Variants in MAP2 observed in about 807,000 individuals in gnomAD.
The protein encoded by MAP2 is microtubule associated protein 2.
Under a neutral mutation model 137.6 loss-of-function variants are expected in MAP2, and 14 were observed. The observed-to-expected ratio is 0.10, with a 90% CI of 0.07 to 0.16. MAP2 has a LOEUF of 0.16. MAP2 is among the 10% of genes least tolerant of loss of function. The pLI, the probability that MAP2 is intolerant of heterozygous loss-of-function variation, is 1.00. For synonymous variants in MAP2, 786 were observed against 782.3 expected, an observed-to-expected ratio of 1.00 and a Z score of -0.08; for missense variants, 2,088 against 2,191.5, an observed-to-expected ratio of 0.95 and a Z score of 0.94.
intron 1 of MAP2, among the ~76,000 whole-genome samples, chr2:209,458,526 C>G (rs1702053480): frequency 6.6e-6 from 1 of 152,136 alleles, no homozygotes; most frequent in Admixed American, 6.5e-5. Flanking sequence ...AACTCATTCA[C>G]AGTAAGAGGT....
intron 1 of MAP2, among the ~76,000 whole-genome samples, chr2:209,465,285 AAAAT>A (rs1238207655): frequency 6.6e-6 from 1 of 152,170 alleles, no homozygotes; most frequent in Non-Finnish European, 1.5e-5. Flanking sequence ...AAGTGAAAGA[AAAAT>A]AAACTAAATC....
chr2:209,681,435 T>C (rs140007437), intron 7 of MAP2, among the ~76,000 whole-genome samples: 240 of 152,298 alleles, frequency 1.6e-3, no homozygotes, highest in Non-Finnish European at 2.4e-3. Flanking sequence ...TGGATCTTTT[T>C]ATGAACTTAC....
At chr2:209,480,389 C>A (rs1708430502) in intron 1 of MAP2, among the ~76,000 whole-genome samples, 1 of 152,124 alleles carries the variant, frequency 6.6e-6, no homozygotes, top group Non-Finnish European at 1.5e-5. Context: ...TTTGTTCTTA[C>A]ACATTTAATT....
At chr2:209,538,992 A>T (rs2066445497) in intron 2 of MAP2, among the ~76,000 whole-genome samples, 1 of 152,172 alleles carries the variant, frequency 6.6e-6, no homozygotes, top group African/African-American at 2.4e-5. Context: ...TAATACAGTA[A>T]CTGGTTTTTC....
intron 13 of MAP2, among the ~76,000 whole-genome samples, chr2:209,722,678 A>G (rs2071715097): frequency 6.6e-6 from 1 of 152,216 alleles, no homozygotes; most frequent in African/African-American, 2.4e-5. Flanking sequence ...CAAAAGACAT[A>G]TGAAAGAAGT....
At chr2:209,531,913 G>A (rs866326900) in intron 2 of MAP2, among the ~76,000 whole-genome samples, 1 of 152,058 alleles carries the variant, frequency 6.6e-6, no homozygotes, top group Admixed American at 6.6e-5. Context: ...TAATATAAAT[G>A]TTGATTTGTT....
At chr2:209,546,879 C>T (rs1238191698) in intron 2 of MAP2, among the ~76,000 whole-genome samples, 3 of 151,904 alleles carry the variant, frequency 2.0e-5, no homozygotes, top group Admixed American at 1.3e-4. Flanking sequence ...ACAAGAAGAT[C>T]AACAAAAATA....
At chr2:209,539,889 G>A (rs1387765694) in intron 2 of MAP2, among the ~76,000 whole-genome samples, 1 of 148,112 alleles carries the variant, frequency 6.8e-6, no homozygotes, top group African/African-American at 2.5e-5. Flanking sequence ...CTTGAGGCTA[G>A]GAGTTCAAGA....
intron 1 of MAP2, among the ~76,000 whole-genome samples, chr2:209,455,916 A>G (rs1701428486): frequency 6.6e-6 from 1 of 152,112 alleles, no homozygotes. Context: ...TGGATTTTCT[A>G]AGTGCCAGGC....
At chr2:209,593,874 TAAAA>T (rs1176251953) in intron 3 of MAP2, among the ~76,000 whole-genome samples, 6 of 104,270 alleles carry the variant, frequency 5.8e-5, no homozygotes, top group South Asian at 2.5e-4. Context: ...ATTTATATTA[TAAAA>T]ATATATTTAT....
At chr2:209,466,796 G>A (rs1430865940) in intron 1 of MAP2, among the ~76,000 whole-genome samples, 1 of 152,134 alleles carries the variant, frequency 6.6e-6, no homozygotes, top group Non-Finnish European at 1.5e-5. Context: ...ATGGCAAAAA[G>A]CTAAGAAAAC....
intron 1 of MAP2, among the ~76,000 whole-genome samples, chr2:209,470,342 G>C (rs536991124): frequency 6.6e-6 from 1 of 151,946 alleles, no homozygotes. Context: ...CTAGCCAAGC[G>C]TATTATTAAC....
rs1346142925 is a variant in MAP2, at chr2:209,480,773, G to A, written c.-221-26819G>A. Among the ~76,000 whole-genome samples, 4 of 152,116 alleles carry A rather than the reference G, an allele frequency of 2.6e-5. No individual in the cohort carries two copies. In the South Asian group the frequency reaches 8.3e-4, roughly 31 times the overall value. On this transcript the variant is annotated intron_variant, in intron 1 of 15. Coordinates refer to ENST00000682079, the MANE Select transcript of MAP2 (RefSeq NM_001375505.1). ...TATTAATGCATATACGATATAAAAA[G>A]TCCAGAAGTCCTGTTGGTATAGGGA...
intron 4 of MAP2, among the ~76,000 whole-genome samples, chr2:209,651,785 A>G (rs576535669): frequency 6.6e-5 from 10 of 152,222 alleles, no homozygotes; most frequent in Non-Finnish European, 1.0e-4. Flanking sequence ...GAATTAACTC[A>G]TCTAGCTCTT....
rs761682816 is a variant in MAP2, at chr2:209,653,330, G to A, written c.160G>A (p.Glu54Lys). ...CAATGGATTCCCATACAGGGAGGAT[G>A]AAGAGGGTGCCTTTGGAGAGCATGG... ...SANGFPYRED[E>K]EGAFGEHGSQ... The change falls in exon 5 of 16, where the codon GAA becomes AAA. Residue 54 changes from glutamate to lysine, a missense_variant. This residue lies in a region of MAP2 where 859 missense variants were observed against 794.5 expected (regional missense o/e 1.08). Coordinates refer to ENST00000682079, the MANE Select transcript of MAP2 (RefSeq NM_001375505.1). 5.0e-6 allele frequency: 8 copies of A among 1,614,150 alleles called. No homozygotes were observed. Among genetic ancestry groups the A allele is most frequent in the Non-Finnish European group, 5.9e-6 (7 of 1,180,014 alleles).
intron 8 of MAP2, 51 bp from the exon 9 acceptor site, chr2:209,696,491 A>G (rs748505304): frequency 1.3e-5 from 20 of 1,521,750 alleles, no homozygotes; most frequent in Non-Finnish European, 9.8e-6. Flanking sequence ...TACACTTGTT[A>G]CTAATGTTTT....
intron 5 of MAP2, among the ~76,000 whole-genome samples, chr2:209,653,859 A>G (rs2094960264): frequency 1.3e-5 from 2 of 152,184 alleles, no homozygotes; most frequent in South Asian, 4.1e-4. Context: ...TTTTTAATCC[A>G]TCATTCAACA....
chr2:209,460,308 T>G (rs1306064504), intron 1 of MAP2, among the ~76,000 whole-genome samples: 2 of 152,208 alleles, frequency 1.3e-5, no homozygotes, highest in East Asian at 3.8e-4. Flanking sequence ...AATGACGGTC[T>G]ATGTCAGCTA....
At chr2:209,448,086 TCAC>T (rs1473289416) in intron 1 of MAP2, among the ~76,000 whole-genome samples, 1 of 152,108 alleles carries the variant, frequency 6.6e-6, no homozygotes, top group Non-Finnish European at 1.5e-5. Context: ...GTATCATCCT[TCAC>T]CATGTAATAT....
Sources: gnomAD v4.1 joint callset for allele counts (sites outside exome capture counted in the v4.1 genomes callset) on GRCh38, gnomAD v4.1.1 for gene constraint, gnomAD v4.1.1 regional missense constraint, MANE v1.5 for transcripts, NCBI Gene and HGNC (gene_info 2026-07-23, HGNC 2026-07-21) for gene names.